PABPN1L: variants seen among roughly 807,000 people sequenced by gnomAD.
PABPN1L encodes the protein embryonic polyadenylate-binding protein 2.
In PABPN1L, 45 loss-of-function variants were observed where a neutral mutation model predicts 34.0. That is an observed-to-expected ratio of 1.32 (90% CI 1.04 to 1.70). The LOEUF (loss-of-function observed/expected upper bound fraction) is 1.70. Ranked by LOEUF, PABPN1L falls within the 40% of genes most tolerant of loss-of-function variation. The pLI is 0.00. For synonymous variants in PABPN1L, 182 were observed against 152.1 expected (o/e 1.20, Z -1.45); for missense variants, 459 against 367.8 (o/e 1.25, Z -2.03).
exon 7 of PABPN1L, chr16:88,863,726 C>T (rs2143019138): frequency 6.5e-7 from 1 of 1,535,672 alleles, no homozygotes; most frequent in Middle Eastern, 1.7e-4. Context: ...ATCCAGGCCC[C>T]AGCCCCTCTC....
upstream of PABPN1L, among the ~76,000 whole-genome samples, chr16:88,869,917 G>A (rs117796241): frequency 1.7e-3 from 264 of 152,286 alleles, no homozygotes; most frequent in East Asian, 0.037. Flanking sequence ...TTCCAGAGCC[G>A]GGCCTGAGGA....
At chr16:88,867,886 G>A (rs1190578931), upstream of PABPN1L, among the ~76,000 whole-genome samples, 1 of 152,214 alleles carries the variant, frequency 6.6e-6, no homozygotes, top group Non-Finnish European at 1.5e-5. Context: ...CCTGCCATTG[G>A]TGGTGGGAGA....
chr16:88,870,066 C>G (rs74035878), upstream of PABPN1L, among the ~76,000 whole-genome samples: 1,314 of 152,164 alleles, frequency 8.6e-3, 19 homozygotes, highest in African/African-American at 0.03. Flanking sequence ...TGTCCACCCT[C>G]AGGTCCCCTG....
At chr16:88,869,328 G>T (rs1490736659), upstream of PABPN1L, among the ~76,000 whole-genome samples, 1 of 152,186 alleles carries the variant, frequency 6.6e-6, no homozygotes, top group East Asian at 1.9e-4. Context: ...CCCTCTCCCT[G>T]GCTCCGCACA....
chr16:88,868,928 C>T (rs1162117848), upstream of PABPN1L, among the ~76,000 whole-genome samples: 1 of 152,172 alleles, frequency 6.6e-6, no homozygotes, highest in Admixed American at 6.5e-5. Flanking sequence ...TGTCCTTTGT[C>T]CCATACCTGG....
At chr16:88,864,740 G>A (rs3859021) in intron 5 of PABPN1L, 113 bp downstream of exon 5, 38,106 of 1,210,456 alleles carry the variant, frequency 0.031, 1,200 homozygotes, top group African/African-American at 0.15. Flanking sequence ...GCCAAGCACC[G>A]TGCCTGAGAC....
At chr16:88,868,979 G>A (rs1049992119), upstream of PABPN1L, among the ~76,000 whole-genome samples, 6 of 152,222 alleles carry the variant, frequency 3.9e-5, no homozygotes, top group African/African-American at 1.4e-4. Context: ...GTGGGATCCA[G>A]CAGAACTGTT....
exon 6 of PABPN1L, chr16:88,864,352 C>G: frequency 6.4e-7 from 1 of 1,556,398 alleles, no homozygotes; most frequent in Non-Finnish European, 8.7e-7. Flanking sequence ...GAGCTGATCC[C>G]AGGGAAGTTG....
chr16:88,866,976 G>A (rs151060639), upstream of PABPN1L, among the ~76,000 whole-genome samples: 18 of 152,338 alleles, frequency 1.2e-4, no homozygotes, highest in African/African-American at 3.8e-4. Context: ...ATGAACACTC[G>A]ATCTAAGTGG....
At position 88,865,069 on chromosome 16, in the gene PABPN1L, G is replaced by A. The variant is rs370812069; in HGVS notation, c.519C>T (p.Val173=). 1,873 of 1,596,718 alleles carry A rather than the reference G, an allele frequency of 1.2e-3. 3 individuals are homozygous for A. The highest frequency in any genetic ancestry group is 1.5e-3 in the Non-Finnish European group (1,720 of 1,172,370). ...TGTCACACAGGATCGTGACTCGGTG[G>A]ACCTCCCCACAGCGGCTGAAGTGGG... is the stretch of plus-strand genomic sequence containing the variant. The change falls in exon 4 of 7, where the codon GTC becomes GTT. Residue 173 remains valine, a synonymous_variant. Transcript: ENST00000419291.
chr16:88,869,759 G>A (rs1968663504), upstream of PABPN1L, among the ~76,000 whole-genome samples: 2 of 152,258 alleles, frequency 1.3e-5, no homozygotes, highest in Admixed American at 6.5e-5. Flanking sequence ...CTCTGAGCTC[G>A]GGCCCCGGCC....
At position 88,864,230 on chromosome 16, in the gene PABPN1L, C is replaced by A; in HGVS notation, c.797+7G>T. On this transcript the variant is annotated splice_region_variant and intron_variant, in intron 6 of 6. Transcript: ENST00000419291. ...CCCCCAGGCTGCCCCCACAGGCACC[C>A]ACTCACCGGTTCTGCCCTTGTGGTC... 6.6e-7 allele frequency: 1 copy of A among 1,525,374 alleles called. No homozygotes were observed. The highest frequency in any genetic ancestry group is 8.8e-7 in the Non-Finnish European group (1 of 1,138,440). The allele number at this position is 1,525,374 out of a possible 1,614,324, so 94.5% of individuals were successfully genotyped here.
chr16:88,866,299 GC>G, intron 1 of PABPN1L, 52 bp downstream of exon 1: 1 of 1,519,800 alleles, frequency 6.6e-7, no homozygotes. Context: ...GTCTCCACCA[GC>G]CCCTGTGCCC....
chr16:88,865,706 T>C, intron 2 of PABPN1L, 76 bp from the exon 3 acceptor site: 1 of 1,555,144 alleles, frequency 6.4e-7, no homozygotes, highest in Non-Finnish European at 8.7e-7. Context: ...TCGCCCAGGC[T>C]TATAGGGGAG....
At position 88,866,219 on chromosome 16, in the gene PABPN1L, G is replaced by C. The variant is rs1274320370; in HGVS notation, c.255+133C>G. On this transcript the variant is annotated intron_variant, in intron 1 of 6. Transcript: ENST00000419291. ...GGCGGGGGGTCTCCTTGCCACCTTC[G>C]TCCAGGCAGGTGGGCAATGGCCCTC... 3 of 1,382,258 alleles carry C rather than the reference G, an allele frequency of 2.2e-6. No individual in the cohort carries two copies. The East Asian group carries it at 7.5e-5, about 35-fold the overall frequency. 85.6% of individuals were successfully genotyped at this position (1,382,258 alleles called of 1,614,324 possible).
chr16:88,869,150 T>A (rs1244840500), upstream of PABPN1L, among the ~76,000 whole-genome samples: 1 of 152,180 alleles, frequency 6.6e-6, no homozygotes, highest in Non-Finnish European at 1.5e-5. Context: ...GCTTAGTGCG[T>A]TTTAGGTCCC....
At chr16:88,868,971 G>A (rs1231565853), upstream of PABPN1L, among the ~76,000 whole-genome samples, 1 of 152,202 alleles carries the variant, frequency 6.6e-6, no homozygotes, top group Non-Finnish European at 1.5e-5. Context: ...CTATCTGGGT[G>A]GGATCCAGCA....
exon 3 of PABPN1L, chr16:88,865,606 TCGGGGGTCC>T: frequency 6.2e-7 from 1 of 1,610,510 alleles, no homozygotes; most frequent in Non-Finnish European, 8.5e-7. Context: ...CACCTTCTCC[TCGGGGGTCC>T]CAGAGAGGGG....
exon 7 of PABPN1L, chr16:88,863,715 G>A (rs766804791): frequency 1.0e-5 from 16 of 1,534,462 alleles, no homozygotes; most frequent in African/African-American, 1.4e-5. Flanking sequence ...GTTTACTCCT[G>A]ATCCAGGCCC....
Sources: gnomAD v4.1 joint callset for allele counts (sites outside exome capture counted in the v4.1 genomes callset) on GRCh38, gnomAD v4.1.1 for gene constraint, MANE v1.5 for transcripts, NCBI Gene and HGNC (gene_info 2026-07-23, HGNC 2026-07-21) for gene names.